ZSCAN5A: variants seen among roughly 807,000 people sequenced by gnomAD.
ZSCAN5A encodes the protein zinc finger and SCAN domain containing 5A.
Under a neutral mutation model 23.7 loss-of-function variants are expected in ZSCAN5A, and 12 were observed. The ratio of observed to expected loss-of-function variants is 0.51; its 90% CI spans 0.32 to 0.82. The LOEUF (loss-of-function observed/expected upper bound fraction) is 0.82, where lower values mean the gene tolerates loss of function less well. Ranked by LOEUF, ZSCAN5A falls within the 40% of genes least tolerant of loss-of-function variation. ZSCAN5A has a pLI of 0.03. For missense variants in ZSCAN5A, 597 were observed against 617.9 expected, an observed-to-expected ratio of 0.97 and a Z score of 0.36; for synonymous variants, 257 against 239.9, an observed-to-expected ratio of 1.07 and a Z score of -0.66.
intron 2 of ZSCAN5A, among the ~76,000 whole-genome samples, chr19:56,254,059 CTT>C (rs11425014): frequency 2.1e-5 from 3 of 143,354 alleles, no homozygotes; most frequent in Non-Finnish European, 3.0e-5. Flanking sequence ...GAATGAGCAT[CTT>C]TTTTTTTTTT....
intron 2 of ZSCAN5A, among the ~76,000 whole-genome samples, chr19:56,359,433 T>G (rs556578601): frequency 6.6e-6 from 1 of 152,254 alleles, no homozygotes; most frequent in South Asian, 2.1e-4. Context: ...GAGGCAGTAA[T>G]TAATAACCTA....
At chr19:56,244,890 T>C (rs1241181617) in intron 2 of ZSCAN5A, among the ~76,000 whole-genome samples, 1 of 152,048 alleles carries the variant, frequency 6.6e-6, no homozygotes, top group Non-Finnish European at 1.5e-5. Flanking sequence ...TGGTATCAGA[T>C]GCAGGGATCT....
At chr19:56,365,729 C>CA (rs763792144) in intron 1 of ZSCAN5A, 4 of 152,204 alleles carry the variant, frequency 2.6e-5, no homozygotes, top group Non-Finnish European at 5.9e-5. Context: ...AGCAGAAACT[C>CA]ACAAGCAGTA....
intron 2 of ZSCAN5A, among the ~76,000 whole-genome samples, chr19:56,260,403 G>A (rs1336232825): frequency 6.6e-6 from 1 of 151,726 alleles, no homozygotes; most frequent in African/African-American, 2.4e-5. Flanking sequence ...TAGTAGAGAT[G>A]GGGTTTCTCC....
intron 2 of ZSCAN5A, chr19:56,342,501 A>G (rs2041600724): frequency 3.7e-5 from 14 of 380,630 alleles, no homozygotes; most frequent in Middle Eastern, 7.6e-4. Context: ...AACAGTAAGC[A>G]CTCCAATAAA....
At chr19:56,318,190 T>C (rs1170730579), upstream of ZSCAN5A, among the ~76,000 whole-genome samples, 1 of 152,122 alleles carries the variant, frequency 6.6e-6, no homozygotes, top group Non-Finnish European at 1.5e-5. Context: ...CGTATATGTG[T>C]TCTGCATGTG....
intron 2 of ZSCAN5A, among the ~76,000 whole-genome samples, chr19:56,227,286 A>G (rs2034043847): frequency 6.6e-6 from 1 of 152,248 alleles, no homozygotes; most frequent in Non-Finnish European, 1.5e-5. Context: ...TATGCCATAA[A>G]TATATACAAT....
chr19:56,233,719 ATT>A (rs34015934), intron 2 of ZSCAN5A, among the ~76,000 whole-genome samples: 10 of 146,566 alleles, frequency 6.8e-5, no homozygotes, highest in African/African-American at 1.7e-4. Context: ...AACAAAACAG[ATT>A]TTTTTTTTTT....
intron 2 of ZSCAN5A, among the ~76,000 whole-genome samples, chr19:56,255,029 TGA>T (rs1396375748): frequency 6.6e-6 from 1 of 151,940 alleles, no homozygotes; most frequent in Non-Finnish European, 1.5e-5. Context: ...GCAAAAACTG[TGA>T]GTTTTAAAAT....
At chr19:56,315,851 G>C (rs769472328), upstream of ZSCAN5A, 1 of 152,226 alleles carries the variant, frequency 6.6e-6, no homozygotes, top group Non-Finnish European at 1.5e-5. Context: ...GGGAACCTCA[G>C]AGCAATGGCC....
chr19:56,344,670 G>A (rs532463896), intron 2 of ZSCAN5A, among the ~76,000 whole-genome samples: 24 of 151,076 alleles, frequency 1.6e-4, no homozygotes, highest in African/African-American at 2.7e-4. Flanking sequence ...TTGGGAGGCC[G>A]AGGCGGGTGG....
chr19:56,224,935 C>A lies in ZSCAN5A; in HGVS notation c.112G>T (p.Val38Leu), dbSNP rs550648749. The A allele has an allele frequency of 9.7e-5, 157 of 1,614,196 alleles. No homozygotes were observed. In the African/African-American group the frequency reaches 1.6e-3, roughly 16 times the overall value. The change falls in exon 3 of 6, where the codon GTG becomes TTG. Residue 38 changes from valine to leucine, a missense_variant. Physicochemically the swap from Val to Leu is conservative, Grantham distance 32. Coordinates refer to ENST00000683990, the MANE Select transcript of ZSCAN5A (RefSeq NM_001322064.3). ...TTCACGTGAGAAATCTCAGGGTCCA[C>A]GTCGTGATTTCCAAGTTGAGTTTCT... ...SSETQLGNHD[V>L]DPEISHVNFR...
chr19:56,347,382 G>C (rs770165222), intron 2 of ZSCAN5A: 1 of 152,248 alleles, frequency 6.6e-6, no homozygotes, highest in Middle Eastern at 3.4e-3. Flanking sequence ...CTATCAACTG[G>C]GCAAATTCCT....
At chr19:56,226,562 G>C (rs1429672076) in intron 2 of ZSCAN5A, among the ~76,000 whole-genome samples, 19 of 152,276 alleles carry the variant, frequency 1.2e-4, no homozygotes, top group Non-Finnish European at 4.4e-5. Flanking sequence ...AAGACACATG[G>C]AACGAGTGTT....
At position 56,221,741 on chromosome 19, in the gene ZSCAN5A, C is replaced by T; in HGVS notation, c.1325G>A (p.Cys442Tyr). ...RSHTGEKPFE[C>Y]KDCKKVFTYR... Reference sequence around the variant, plus strand: ...GGTGAAAACTTTCTTGCAGTCTTTACATTCGAAGGGCTTCTCCCCTGTGTG... The same window carrying T: ...GGTGAAAACTTTCTTGCAGTCTTTATATTCGAAGGGCTTCTCCCCTGTGTG... Residue 442 changes from cysteine (C) to tyrosine (Y), a missense_variant, in exon 6 of 6, where the codon TGT (cysteine) becomes TAT (tyrosine). Coordinates refer to ENST00000683990, the MANE Select transcript of ZSCAN5A (RefSeq NM_001322064.3). 6.2e-7 allele frequency: 1 copy of T among 1,614,218 alleles called. No individual in the cohort carries two copies. Among genetic ancestry groups the T allele is most frequent in the Non-Finnish European group, 8.5e-7 (1 of 1,180,046 alleles).
chr19:56,346,346 A>G (rs991040231), intron 2 of ZSCAN5A, among the ~76,000 whole-genome samples: 1 of 152,082 alleles, frequency 6.6e-6, no homozygotes, highest in Non-Finnish European at 1.5e-5. Context: ...TGGCCAAGAC[A>G]ATCCCCAACT....
chr19:56,361,229 A>T (rs2041731860), intron 2 of ZSCAN5A, among the ~76,000 whole-genome samples: 1 of 152,248 alleles, frequency 6.6e-6, no homozygotes, highest in African/African-American at 2.4e-5. Flanking sequence ...GGTTGCAGAG[A>T]AATAGGAATG....
chr19:56,303,304 C>A (rs2040468928), intron 2 of ZSCAN5A, among the ~76,000 whole-genome samples: 1 of 151,884 alleles, frequency 6.6e-6, no homozygotes, highest in Admixed American at 6.6e-5. Context: ...ATGGTGAAAC[C>A]CCGTCTCTAC....
At chr19:56,245,715 T>C (rs2035832129) in intron 2 of ZSCAN5A, among the ~76,000 whole-genome samples, 1 of 152,176 alleles carries the variant, frequency 6.6e-6, no homozygotes, top group Non-Finnish European at 1.5e-5. Context: ...CCCTTCCCCA[T>C]TCAGTTTCCT....
Sources: gnomAD v4.1 joint callset for allele counts (sites outside exome capture counted in the v4.1 genomes callset) on GRCh38, gnomAD v4.1.1 for gene constraint, MANE v1.5 for transcripts, NCBI Gene and HGNC (gene_info 2026-07-23, HGNC 2026-07-21) for gene names.